Variants in RASL11A observed in about 807,000 individuals in gnomAD.
The protein encoded by RASL11A is ras-like protein family member 11A.
Under a neutral mutation model 17.1 loss-of-function variants are expected in RASL11A, and 14 were observed. That is an observed-to-expected ratio of 0.82 (90% CI 0.54 to 1.28). The LOEUF is 1.28. Among genes scored for constraint, RASL11A ranks in the 50% most tolerant of loss-of-function variants. The probability of loss-of-function intolerance (pLI) is 0.00; values close to 1 mark genes in which losing one functional copy is unlikely to be tolerated. For missense variants in RASL11A, 283 were observed against 312.3 expected, an observed-to-expected ratio of 0.91 and a Z score of 0.71; for synonymous variants, 146 against 132.5, an observed-to-expected ratio of 1.10 and a Z score of -0.70.
chr13:27,274,159 T>G lies in RASL11A; in HGVS notation c.*665T>G, dbSNP rs1412070826. On this transcript the variant is annotated 3_prime_UTR_variant, in exon 4 of 4. Coordinates refer to ENST00000241463, the MANE Select transcript of RASL11A (RefSeq NM_206827.2). Reference sequence around the variant, plus strand: ...TGGACCCTACCACCCAAAAGTTGCCTCAAAATTCTCCTTCCCTTCCAATAG... The same window carrying G: ...TGGACCCTACCACCCAAAAGTTGCCGCAAAATTCTCCTTCCCTTCCAATAG... Among the ~76,000 whole-genome samples the G allele has an allele frequency of 6.6e-6, 1 of 152,136 alleles. No individual in the cohort carries two copies. Among genetic ancestry groups the G allele is most frequent in the African/African-American group, 2.4e-5 (1 of 41,414 alleles).
chr13:27,272,427 C>G lies in RASL11A; in HGVS notation c.262-600C>G, dbSNP rs559797773. On this transcript the variant is annotated intron_variant, in intron 3 of 3. Transcript: ENST00000241463. ...GGATTATAGGCATGAGCCACAGCGCCCGGCCCAAGCACTGCTGAACTGCTG... is the reference window on the plus strand; with the variant it reads ...GGATTATAGGCATGAGCCACAGCGCGCGGCCCAAGCACTGCTGAACTGCTG... 1.7e-3 allele frequency among the ~76,000 whole-genome samples: 266 copies of G among 152,300 alleles called. 1 individual carries two copies. In the Middle Eastern group the frequency reaches 0.031, roughly 18 times the overall value.
chr13:27,273,122 C>A lies in RASL11A; in HGVS notation c.357C>A (p.Asp119Glu), dbSNP rs1275265087. 1 of 1,614,220 alleles carries A rather than the reference C, an allele frequency of 6.2e-7. No individual in the cohort carries two copies. Among genetic ancestry groups the A allele is most frequent in the Admixed American group, 1.7e-5 (1 of 60,032 alleles). Residue 119 changes from aspartate (D) to glutamate (E), a missense_variant, in exon 4 of 4, where the codon GAC (aspartate) becomes GAA (glutamate). By Grantham distance (45) the Asp-to-Glu change is conservative (BLOSUM62 2). Coordinates refer to ENST00000241463, the MANE Select transcript of RASL11A (RefSeq NM_206827.2). ...TGGTCTATTCCATCACAGACTATGA[C>A]AGCTACTTGTCCATCCGACCCCTTT... ...FLLVYSITDY[D>E]SYLSIRPLYQ...
chr13:27,273,549 C>G lies in RASL11A; in HGVS notation c.*55C>G. On this transcript the variant is annotated 3_prime_UTR_variant, in exon 4 of 4. Coordinates refer to ENST00000241463, the MANE Select transcript of RASL11A (RefSeq NM_206827.2). ...AATACGCATTTGTGCAGCTAAAAGACTGGGCTTCTCGCTTTTTAATCACAC... is the reference window on the plus strand; with the variant it reads ...AATACGCATTTGTGCAGCTAAAAGAGTGGGCTTCTCGCTTTTTAATCACAC... 1.5e-6 allele frequency: 2 copies of G among 1,356,934 alleles called. No homozygotes were observed. The highest frequency in any genetic ancestry group is 2.0e-6 in the Non-Finnish European group (2 of 980,452). The allele number at this position is 1,356,934 out of a possible 1,614,324, so 84.1% of individuals were successfully genotyped here.
chr13:27,273,621 T>G lies in RASL11A; in HGVS notation c.*127T>G, dbSNP rs1882376224. 15 of 696,430 alleles carry G rather than the reference T, an allele frequency of 2.2e-5. No homozygotes were observed. Among genetic ancestry groups the G allele is most frequent in the Non-Finnish European group, 2.2e-6 (1 of 449,222 alleles). 43.1% of individuals were successfully genotyped at this position (696,430 alleles called of 1,614,324 possible). On this transcript the variant is annotated 3_prime_UTR_variant, in exon 4 of 4. Coordinates refer to ENST00000241463, the MANE Select transcript of RASL11A (RefSeq NM_206827.2). ...AAAAATTGATTTTCAAGTACATGTG[T>G]ATTTCTGAAAATTCAAACAGTGATT...
chr13:27,273,560 G>A lies in RASL11A; in HGVS notation c.*66G>A, dbSNP rs756070292. On this transcript the variant is annotated 3_prime_UTR_variant, in exon 4 of 4. Transcript: ENST00000241463. ...GTGCAGCTAAAAGACTGGGCTTCTC[G>A]CTTTTTAATCACACATTCAGAGTTT... 83 of 1,227,184 alleles carry A rather than the reference G, an allele frequency of 6.8e-5. No homozygotes were observed. In the Middle Eastern group the frequency reaches 8.1e-4, roughly 12 times the overall value. 76.0% of individuals were successfully genotyped at this position (1,227,184 alleles called of 1,614,324 possible).
chr13:27,272,994 C>T (rs1265411756), intron 3 of RASL11A, 33 bp from the exon 4 acceptor site: 3 of 1,580,204 alleles, frequency 1.9e-6, no homozygotes, highest in Non-Finnish European at 2.6e-6. Flanking sequence ...CTGAGGGTTT[C>T]CTTGACTGGA....
rs926337065 is a variant in RASL11A at position 27,274,089 on chromosome 13, A to G, written c.*595A>G. 2.0e-5 allele frequency among the ~76,000 whole-genome samples: 3 copies of G among 152,198 alleles called. No individual in the cohort carries two copies. The highest frequency in any genetic ancestry group is 2.9e-5 in the Non-Finnish European group (2 of 68,032). ...GCAAATGCAAGTTTATACTCTACCC[A>G]TATTAAAAAACAACCCCTTTTCTAG... On this transcript the variant is annotated 3_prime_UTR_variant, in exon 4 of 4. Transcript: ENST00000241463.
rs542993970 is a variant in RASL11A at position 27,273,112 on chromosome 13, C to T, written c.347C>T (p.Thr116Ile). Residue 116 changes from threonine (T) to isoleucine (I), a missense_variant, in exon 4 of 4, where the codon ACA becomes ATA. Coordinates refer to ENST00000241463, the MANE Select transcript of RASL11A (RefSeq NM_206827.2). ...GGTTTTCTGCTGGTCTATTCCATCACAGACTATGACAGCTACTTGTCCATC... is the reference window on the plus strand; with the variant it reads ...GGTTTTCTGCTGGTCTATTCCATCATAGACTATGACAGCTACTTGTCCATC... ...AEGFLLVYSI[T>I]DYDSYLSIRP... 14 of 1,614,212 alleles carry T rather than the reference C, an allele frequency of 8.7e-6. 1 individual carries two copies. The East Asian group carries it at 8.9e-5, about 10-fold the overall frequency.
chr13:27,272,181 C>T (rs1353695867), intron 3 of RASL11A, among the ~76,000 whole-genome samples: 1 of 152,190 alleles, frequency 6.6e-6, no homozygotes, highest in African/African-American at 2.4e-5. Context: ...GTGGCTGGAT[C>T]TCAGCTCACT....
At position 27,273,109 on chromosome 13, in the gene RASL11A, T is replaced by C; in HGVS notation, c.344T>C (p.Ile115Thr). The change falls in exon 4 of 4, where the codon ATC becomes ACC. Residue 115 changes from isoleucine (I) to threonine (T), a missense_variant. By Grantham distance (89) the Ile-to-Thr change is moderately conservative. Coordinates refer to ENST00000241463, the MANE Select transcript of RASL11A (RefSeq NM_206827.2). ...WAEGFLLVYS[I>T]TDYDSYLSIR... is the part of the protein sequence containing the mutation. ...GAGGGTTTTCTGCTGGTCTATTCCA[T>C]CACAGACTATGACAGCTACTTGTCC... The C allele has an allele frequency of 6.2e-7, 1 of 1,614,168 alleles. No individual in the cohort carries two copies. Among genetic ancestry groups the C allele is most frequent in the Non-Finnish European group, 8.5e-7 (1 of 1,180,030 alleles).
chr13:27,275,114 AG>A lies in RASL11A; in HGVS notation c.*1623del, dbSNP rs1449607878. ...AGTCTACCTATACAAAATGGCATGA[AG>A]GGTTAAGAAAATTAGATGATGCATG... is the stretch of plus-strand genomic sequence containing the variant. On this transcript the variant is annotated 3_prime_UTR_variant, in exon 4 of 4. Coordinates refer to ENST00000241463, the MANE Select transcript of RASL11A (RefSeq NM_206827.2). Among the ~76,000 whole-genome samples the A allele has an allele frequency of 1.3e-5, 2 of 152,204 alleles. No homozygotes were observed. Among genetic ancestry groups the A allele is most frequent in the Non-Finnish European group, 2.9e-5 (2 of 68,034 alleles).
chr13:27,274,465 A>G lies in RASL11A; in HGVS notation c.*971A>G, dbSNP rs1882416722. On this transcript the variant is annotated 3_prime_UTR_variant, in exon 4 of 4. Transcript: ENST00000241463. ...GATTCTTTACCACCTCTCCAGGCTTATCAACCCCTCCTTCCAAAACACACA... is the reference window on the plus strand; with the variant it reads ...GATTCTTTACCACCTCTCCAGGCTTGTCAACCCCTCCTTCCAAAACACACA... Among the ~76,000 whole-genome samples, 1 of 152,228 alleles carries G rather than the reference A, an allele frequency of 6.6e-6. No homozygotes were observed. The highest frequency in any genetic ancestry group is 2.4e-5 in the African/African-American group (1 of 41,458).
At position 27,271,698 on chromosome 13, in the gene RASL11A, G is replaced by A; in HGVS notation, c.241G>A (p.Asp81Asn). ...GGACCAGCTCTCCCTGCAGATCCAG[G>A]ATACTCCCGGGGGCGTCCAGGTAAG... is the stretch of plus-strand genomic sequence containing the variant. ...EGDQLSLQIQ[D>N]TPGGVQIQDS... is the part of the protein sequence containing the mutation. The change falls in exon 3 of 4, where the codon GAT becomes AAT. Residue 81 changes from aspartate to asparagine, a missense_variant. By Grantham distance (23) the Asp-to-Asn change is conservative. Coordinates refer to ENST00000241463, the MANE Select transcript of RASL11A (RefSeq NM_206827.2). The A allele has an allele frequency of 6.2e-7, 1 of 1,611,704 alleles. No individual in the cohort carries two copies. The highest frequency in any genetic ancestry group is 1.1e-5 in the South Asian group (1 of 90,968).
Position 27,271,659 on chromosome 13 carries a change from G to A in RASL11A, c.202G>A (p.Val68Ile), listed in dbSNP as rs963275506. 1 of 1,614,024 alleles carries A rather than the reference G, an allele frequency of 6.2e-7. No homozygotes were observed. Among genetic ancestry groups the A allele is most frequent in the Admixed American group, 1.7e-5 (1 of 60,018 alleles). Reference sequence around the variant, plus strand: ...TCCAGGCAAGCTGTATTCACGGCTGGTCTATGTCGAGGGGGACCAGCTCTC... The same window carrying A: ...TCCAGGCAAGCTGTATTCACGGCTGATCTATGTCGAGGGGGACCAGCTCTC... ...PNTGKLYSRL[V>I]YVEGDQLSLQ... The change falls in exon 3 of 4, where the codon GTC (valine) becomes ATC (isoleucine). Residue 68 changes from valine (V) to isoleucine (I), a missense_variant. By Grantham distance (29) the Val-to-Ile change is conservative. Coordinates refer to ENST00000241463, the MANE Select transcript of RASL11A (RefSeq NM_206827.2).
intron 1 of RASL11A, 168 bp from the exon 2 acceptor site, chr13:27,271,316 C>A: frequency 6.8e-7 from 1 of 1,471,220 alleles, no homozygotes; most frequent in South Asian, 1.4e-5. Flanking sequence ...AGAGGTGTCC[C>A]GCCAGTCGTA....
Position 27,274,045 on chromosome 13 carries a change from A to G in RASL11A, c.*551A>G, listed in dbSNP as rs1168959873. On this transcript the variant is annotated 3_prime_UTR_variant, in exon 4 of 4. Transcript: ENST00000241463. ...GTACAATGCTAAAACGTTACAAGCCATGAGTAACATTTATTGGTGCAAATG... is the reference window on the plus strand; with the variant it reads ...GTACAATGCTAAAACGTTACAAGCCGTGAGTAACATTTATTGGTGCAAATG... 6.6e-6 allele frequency among the ~76,000 whole-genome samples: 1 copy of G among 152,216 alleles called. No individual in the cohort carries two copies. The highest frequency in any genetic ancestry group is 1.5e-5 in the Non-Finnish European group (1 of 68,038).
chr13:27,271,343 C>T (rs1349689812), intron 1 of RASL11A, 141 bp from the exon 2 acceptor site: 1 of 1,497,588 alleles, frequency 6.7e-7, no homozygotes, highest in Admixed American at 2.1e-5. Context: ...GCCAAGCCCG[C>T]GGCACCACGG....
rs551358866 is a variant in RASL11A at position 27,274,173 on chromosome 13, C to A, written c.*679C>A. On this transcript the variant is annotated 3_prime_UTR_variant, in exon 4 of 4. Transcript: ENST00000241463. ...CAAAAGTTGCCTCAAAATTCTCCTT[C>A]CCTTCCAATAGGGCACCAGATATGT... Among the ~76,000 whole-genome samples the A allele has an allele frequency of 6.6e-6, 1 of 152,286 alleles. No homozygotes were observed. The highest frequency in any genetic ancestry group is 1.9e-4 in the East Asian group (1 of 5,188).
chr13:27,272,896 G>A, intron 3 of RASL11A, 131 bp from the exon 4 acceptor site: 1 of 714,044 alleles, frequency 1.4e-6, no homozygotes, highest in South Asian at 1.9e-5. Context: ...TGCAGAAGCT[G>A]GGTGGAAACT....
Sources: allele counts gnomAD v4.1 joint callset (sites outside exome capture counted in the v4.1 genomes callset), GRCh38; gene constraint gnomAD v4.1.1; transcripts MANE v1.5; gene names NCBI Gene and HGNC (gene_info 2026-07-23, HGNC 2026-07-21).